MS4A13: variants seen among roughly 807,000 people sequenced by gnomAD.
MS4A13 encodes the protein membrane-spanning 4-domains subfamily A member 13.
MS4A13 carries 21 observed loss-of-function variants against 18.4 expected under a neutral mutation model. The ratio of observed to expected loss-of-function variants is 1.14; its 90% CI spans 0.81 to 1.64. MS4A13 has a LOEUF of 1.64. Among genes scored for constraint, MS4A13 ranks in the 40% most tolerant of loss-of-function variants. MS4A13 has a pLI of 0.00. For synonymous variants in MS4A13, 62 were observed against 57.2 expected, an observed-to-expected ratio of 1.08 and a Z score of -0.38; for missense variants, 173 against 176.8, an observed-to-expected ratio of 0.98 and a Z score of 0.12.
chr11:60,528,336 C>A (rs1459999414), intron 5 of MS4A13, among the ~76,000 whole-genome samples: 2 of 152,202 alleles, frequency 1.3e-5, no homozygotes, highest in Admixed American at 6.5e-5. Flanking sequence ...CTCAGTCCTA[C>A]CCTTATTTCA....
At chr11:60,524,593 A>G (rs540673988) in intron 4 of MS4A13, among the ~76,000 whole-genome samples, 1 of 151,982 alleles carries the variant, frequency 6.6e-6, no homozygotes, top group Non-Finnish European at 1.5e-5. Context: ...TTACAGTGGA[A>G]CCACTTTTGT....
chr11:60,541,700 G>T (rs2086859978), intron 6 of MS4A13, among the ~76,000 whole-genome samples: 1 of 152,094 alleles, frequency 6.6e-6, no homozygotes, highest in African/African-American at 2.4e-5. Context: ...AGAGGCTAGG[G>T]TGCTGGCATC....
At chr11:60,523,164 G>A (rs1235022299) in intron 3 of MS4A13, among the ~76,000 whole-genome samples, 2 of 152,142 alleles carry the variant, frequency 1.3e-5, no homozygotes, top group African/African-American at 4.8e-5. Context: ...AATTATCCAT[G>A]GGAAGTTTGT....
At position 60,518,179 on chromosome 11, in the gene MS4A13, T is replaced by G. The variant is rs1257789101; in HGVS notation, c.96T>G (p.Thr32=). 5.0e-6 allele frequency: 8 copies of G among 1,611,738 alleles called. 1 individual carries two copies. Among genetic ancestry groups the G allele is most frequent in the Middle Eastern group, 1.7e-4 (1 of 6,046 alleles). ...KGAFGTYEPV[T]YKTGCTLWGI... Reference sequence around the variant, plus strand: ...CCTTTGGAACGTATGAACCTGTAACTTACAAAACAGGATGTACTTTATGGG... The same window carrying G: ...CCTTTGGAACGTATGAACCTGTAACGTACAAAACAGGATGTACTTTATGGG... The change falls in exon 3 of 7, where the codon ACT becomes ACG. Residue 32 remains threonine, a synonymous_variant. Transcript: ENST00000378186.
chr11:60,521,336 C>T lies in MS4A13; in HGVS notation c.130-2561C>T, dbSNP rs879842919. On this transcript the variant is annotated intron_variant, in intron 3 of 6. Transcript: ENST00000378186. ...ATTTCTCCTCAGAAAATGGGTTTTT[C>T]TTTTCTATCACATTGTCAGGCTGTA... 5.3e-5 allele frequency among the ~76,000 whole-genome samples: 8 copies of T among 152,266 alleles called. 1 individual carries two copies. The highest frequency in any genetic ancestry group is 1.9e-4 in the African/African-American group (8 of 41,572).
intron 6 of MS4A13, among the ~76,000 whole-genome samples, chr11:60,532,708 C>A (rs1340266276): frequency 6.8e-6 from 1 of 147,518 alleles, no homozygotes; most frequent in Non-Finnish European, 1.5e-5. Context: ...TAGGCTCCAC[C>A]TCTGGGGGCA....
chr11:60,523,994 C>T (rs1238448355), intron 4 of MS4A13, 41 bp downstream of exon 4: 1 of 1,202,424 alleles, frequency 8.3e-7, no homozygotes, highest in African/African-American at 1.5e-5. Context: ...AATCACTTAT[C>T]ACAAAGCTAA....
chr11:60,539,181 T>C (rs1156445750), intron 6 of MS4A13, among the ~76,000 whole-genome samples: 4 of 76,494 alleles, frequency 5.2e-5, no homozygotes, highest in South Asian at 4.9e-4. Flanking sequence ...AATAAATGAG[T>C]GTTGTTTCAA....
At chr11:60,529,787 C>A (rs1214176320) in intron 6 of MS4A13, among the ~76,000 whole-genome samples, 2 of 152,120 alleles carry the variant, frequency 1.3e-5, no homozygotes, top group African/African-American at 4.8e-5. Context: ...GTATTATATT[C>A]ACATTATTTT....
chr11:60,527,361 CGTCT>C (rs1283341793), intron 5 of MS4A13, among the ~76,000 whole-genome samples: 1,293 of 74,938 alleles, frequency 0.017, 17 homozygotes, highest in South Asian at 0.026. Context: ...TCATTCATTC[CGTCT>C]CTCTCTCTCT....
intron 6 of MS4A13, among the ~76,000 whole-genome samples, chr11:60,532,650 C>T (rs1299889529): frequency 2.0e-5 from 3 of 151,486 alleles, no homozygotes; most frequent in Non-Finnish European, 2.9e-5. Context: ...CCTGGAAGCT[C>T]GAACTGGGTG....
chr11:60,531,007 C>A (rs2086762213), intron 6 of MS4A13, among the ~76,000 whole-genome samples: 1 of 152,124 alleles, frequency 6.6e-6, no homozygotes, highest in Non-Finnish European at 1.5e-5. Flanking sequence ...AACCTCTTTC[C>A]TTTATAAATT....
At chr11:60,540,392 A>T (rs2086847700) in intron 6 of MS4A13, among the ~76,000 whole-genome samples, 1 of 152,214 alleles carries the variant, frequency 6.6e-6, no homozygotes. Flanking sequence ...TTATAAAAGC[A>T]GTAATTATAA....
chr11:60,538,042 G>C (rs1474601735), intron 6 of MS4A13, among the ~76,000 whole-genome samples: 2 of 125,762 alleles, frequency 1.6e-5, no homozygotes, highest in Non-Finnish European at 3.3e-5. Flanking sequence ...TCGGGGGAGG[G>C]GGGAGGGATG....
At chr11:60,541,585 A>T (rs918962856) in intron 6 of MS4A13, among the ~76,000 whole-genome samples, 2 of 152,208 alleles carry the variant, frequency 1.3e-5, no homozygotes, top group Admixed American at 6.5e-5. Context: ...GTGTTTAGGG[A>T]TGAAGCTTAG....
Position 60,525,315 on chromosome 11 carries a change from TATGGACAAGCAGTA to T in MS4A13, c.297_306+4del. ...TTTTAATTCTGTGTCATACAGGAAT[TATGGACAAGCAGTA>T]AGTGACCAATTCTATGGGAACATAT... On this transcript the variant is annotated splice_donor_variant and splice_donor_region_variant and coding_sequence_variant and intron_variant, in exon 5 of 7. Transcript: ENST00000378186. LOFTEE classifies it high-confidence loss of function. 1 of 1,585,762 alleles carries T rather than the reference TATGGACAAGCAGTA, an allele frequency of 6.3e-7. No individual in the cohort carries two copies. The highest frequency in any genetic ancestry group is 8.6e-7 in the Non-Finnish European group (1 of 1,161,238).
Position 60,531,432 on chromosome 11 carries a change from G to A in MS4A13, c.402+1972G>A, listed in dbSNP as rs560702092. ...TGCAAAGCTATACACATACTAAGGA[G>A]ACAGGAGAAGGTCCTAGTGAGCCCT... On this transcript the variant is annotated intron_variant, in intron 6 of 6. Coordinates refer to ENST00000378186, the MANE Select transcript of MS4A13 (RefSeq NM_001012417.3). 2.6e-5 allele frequency among the ~76,000 whole-genome samples: 4 copies of A among 152,270 alleles called. No individual in the cohort carries two copies. In the South Asian group the frequency reaches 8.3e-4, roughly 32 times the overall value.
chr11:60,517,907 C>T (rs962022063), intron 2 of MS4A13, among the ~76,000 whole-genome samples, 165 bp from the exon 3 acceptor site: 2 of 152,120 alleles, frequency 1.3e-5, no homozygotes, highest in East Asian at 1.9e-4. Flanking sequence ...CCTTCCTGAT[C>T]GGTCCTTTTT....
At chr11:60,541,356 A>C (rs1487187256) in intron 6 of MS4A13, among the ~76,000 whole-genome samples, 3 of 152,230 alleles carry the variant, frequency 2.0e-5, no homozygotes, top group Non-Finnish European at 4.4e-5. Context: ...TAGTAGTCCC[A>C]AAGTGGAAAC....
Sources: allele counts gnomAD v4.1 joint callset (sites outside exome capture counted in the v4.1 genomes callset), GRCh38; gene constraint gnomAD v4.1.1; transcripts MANE v1.5; gene names NCBI Gene and HGNC (gene_info 2026-07-23, HGNC 2026-07-21).